Variants in BORCS8 observed in about 807,000 individuals in gnomAD.
BORCS8 encodes BLOC-1-related complex subunit 8.
Under a neutral mutation model 18.7 loss-of-function variants are expected in BORCS8, and 13 were observed. That is an observed-to-expected ratio of 0.70 (90% CI 0.45 to 1.11). BORCS8 has a LOEUF of 1.11. Ranked by LOEUF, BORCS8 falls within the 50% of genes least tolerant of loss-of-function variation. BORCS8 has a pLI of 0.00. For missense variants in BORCS8, 165 were observed against 165.7 expected (o/e 1.00, Z 0.02); for synonymous variants, 68 against 64.8 (o/e 1.05, Z -0.24).
chr19:19,186,574 C>T (rs1418625699), intron 2 of BORCS8, among the ~76,000 whole-genome samples: 3 of 152,204 alleles, frequency 2.0e-5, no homozygotes, highest in Non-Finnish European at 4.4e-5. Flanking sequence ...GGCACTCATA[C>T]TTCTCCTTCT....
intron 1 of BORCS8, among the ~76,000 whole-genome samples, chr19:19,190,586 C>T (rs749128977): frequency 2.6e-5 from 4 of 152,180 alleles, no homozygotes; most frequent in Non-Finnish European, 5.9e-5. Context: ...GTTGGGAGTT[C>T]GACACCAGCC....
At chr19:19,187,177 T>C in intron 1 of BORCS8, 172 bp from the exon 2 acceptor site, 1 of 580,948 alleles carries the variant, frequency 1.7e-6, no homozygotes, top group Non-Finnish European at 3.1e-6. Context: ...CAGGGCTCAC[T>C]CAAGAGGACA....
Position 19,177,119 on chromosome 19 carries a change from A to G in BORCS8, c.*384T>C, listed in dbSNP as rs10896. On this transcript the variant is annotated 3_prime_UTR_variant, in exon 6 of 6. Transcript: ENST00000462790. ...GCTCATTGGGTCACGTGTCCATCTC[A>G]AACCAATCACTAGGAACCTAGGACA... is the stretch of plus-strand genomic sequence containing the variant. 50,876 of 151,852 alleles carry G rather than the reference A, an allele frequency of 0.34. 8,957 individuals carry two copies. The highest frequency in any genetic ancestry group is 0.39 in the Non-Finnish European group (26,243 of 67,958). The allele number at this position is 151,852 out of a possible 1,614,324, so 9.4% of individuals were successfully genotyped here. A position where few individuals can be genotyped will look rare whatever the true frequency, so the allele number is the denominator to read the frequency against.
rs1474658957 is a variant in BORCS8, at chr19:19,186,903, G to A, written c.140C>T (p.Ala47Val). 4 of 1,548,086 alleles carry A rather than the reference G, an allele frequency of 2.6e-6. No individual in the cohort carries two copies. In the African/African-American group the frequency reaches 4.1e-5, roughly 16 times the overall value. Residue 47 changes from alanine (A) to valine (V), a missense_variant, in exon 2 of 6, where the codon GCC becomes GTC. Coordinates refer to ENST00000462790, the MANE Select transcript of BORCS8 (RefSeq NM_001145784.2). ...EHVRRSLPEL[A>V]QHKADMQRWE... ...CAGGCCCCAGCTCACCTTGTGCTGG[G>A]CCAGCTCGGGGAGGGAGCGACGCAC...
At chr19:19,190,399 G>A (rs937548258) in intron 1 of BORCS8, among the ~76,000 whole-genome samples, 2 of 152,346 alleles carry the variant, frequency 1.3e-5, no homozygotes, top group African/African-American at 4.8e-5. Context: ...GCTAACACAA[G>A]TCTCTCCATC....
At chr19:19,183,173 C>T (rs2146417034) in intron 3 of BORCS8, among the ~76,000 whole-genome samples, 1 of 152,282 alleles carries the variant, frequency 6.6e-6, no homozygotes, top group African/African-American at 2.4e-5. Flanking sequence ...CTCTGGGAGG[C>T]TGAGGCGGGT....
rs1053042382 is a variant in BORCS8 at position 19,182,111 on chromosome 19, C to G, written c.326+462G>C. The G allele has an allele frequency of 1.4e-4, 130 of 913,112 alleles. No homozygotes were observed. In the African/African-American group the frequency reaches 2.2e-3, roughly 16 times the overall value. 56.6% of individuals were successfully genotyped at this position (913,112 alleles called of 1,614,324 possible). On this transcript the variant is annotated intron_variant, in intron 4 of 5. Coordinates refer to ENST00000462790, the MANE Select transcript of BORCS8 (RefSeq NM_001145784.2). This position sits in a 1 kb window ranked among gnomAD's most constrained non-coding sequence, Gnocchi z 4.1. ...CCGGCTCCAGCCACAGAAGCCTTCT[C>G]GGTGCTTCTCGAACACTCCCAGGGA... is the stretch of plus-strand genomic sequence containing the variant.
chr19:19,181,915 CA>C, intron 4 of BORCS8: 1 of 985,384 alleles, frequency 1.0e-6, no homozygotes, highest in Non-Finnish European at 1.2e-6. Context: ...AGAATGCCAA[CA>C]AAAACAAAAA....
chr19:19,189,289 G>A (rs1245717939), intron 1 of BORCS8, among the ~76,000 whole-genome samples: 2 of 152,002 alleles, frequency 1.3e-5, no homozygotes, highest in African/African-American at 4.8e-5. Context: ...GCCCGCACCG[G>A]TCCAGGCACA....
At position 19,177,367 on chromosome 19, in the gene BORCS8, C is replaced by A. The variant is rs1306684437; in HGVS notation, c.*136G>T. On this transcript the variant is annotated 3_prime_UTR_variant, in exon 6 of 6. Transcript: ENST00000462790. Reference sequence around the variant, plus strand: ...AACCAAGGCTGGGTGCGGTGGCTCACACCTATAATCCCAGCACTTTGGGAG... The same window carrying A: ...AACCAAGGCTGGGTGCGGTGGCTCAAACCTATAATCCCAGCACTTTGGGAG... 6.6e-6 allele frequency: 1 copy of A among 152,244 alleles called. No individual in the cohort carries two copies. The highest frequency in any genetic ancestry group is 2.4e-5 in the African/African-American group (1 of 41,418). The allele number at this position is 152,244 out of a possible 1,614,324, so 9.4% of individuals were successfully genotyped here.
Position 19,182,305 on chromosome 19 carries a change from A to T in BORCS8, c.326+268T>A. 1 of 773,160 alleles carries T rather than the reference A, an allele frequency of 1.3e-6. No individual in the cohort carries two copies. The highest frequency in any genetic ancestry group is 1.8e-6 in the Non-Finnish European group (1 of 568,512). 47.9% of individuals were successfully genotyped at this position (773,160 alleles called of 1,614,324 possible). A position where few individuals can be genotyped will look rare whatever the true frequency, so the allele number is the denominator to read the frequency against. On this transcript the variant is annotated intron_variant, in intron 4 of 5. Coordinates refer to ENST00000462790, the MANE Select transcript of BORCS8 (RefSeq NM_001145784.2). This position sits in a 1 kb window ranked among gnomAD's most constrained non-coding sequence, Gnocchi z 4.1. ...TCTGCCATGTTTACCTGGTTGTCGT[A>T]TGTCTCCTTGTGAGCCTGTCTGTCT...
At chr19:19,188,272 G>A (rs768943142) in intron 1 of BORCS8, among the ~76,000 whole-genome samples, 2 of 151,252 alleles carry the variant, frequency 1.3e-5, no homozygotes, top group Non-Finnish European at 2.9e-5. Context: ...CTCGTGATCC[G>A]CCTGCCTCGG....
intron 1 of BORCS8, among the ~76,000 whole-genome samples, chr19:19,190,993 G>T (rs763326447): frequency 1.3e-5 from 2 of 152,166 alleles, no homozygotes; most frequent in Non-Finnish European, 2.9e-5. Flanking sequence ...TTGAATCCAT[G>T]TGAATGAAGT....
chr19:19,180,404 G>T, intron 5 of BORCS8: 1 of 502,192 alleles, frequency 2.0e-6, no homozygotes, highest in African/African-American at 2.0e-5. Context: ...CTGTCTTGGG[G>T]GGTGGAAATC....
rs2146415352 is a variant in BORCS8 at position 19,182,343 on chromosome 19, T to C, written c.326+230A>G. On this transcript the variant is annotated intron_variant, in intron 4 of 5. Transcript: ENST00000462790. This position sits in a 1 kb window ranked among gnomAD's most constrained non-coding sequence, Gnocchi z 4.1. Reference sequence around the variant, plus strand: ...AGCCTGTCTGTCTCGGTCACTGCTATGTCCCCAGTGCCCAGCCCAGGGCCA... The same window carrying C: ...AGCCTGTCTGTCTCGGTCACTGCTACGTCCCCAGTGCCCAGCCCAGGGCCA... 3 of 1,152,532 alleles carry C rather than the reference T, an allele frequency of 2.6e-6. No homozygotes were observed. Among genetic ancestry groups the C allele is most frequent in the East Asian group, 3.1e-5 (1 of 32,374 alleles). 71.4% of individuals were successfully genotyped at this position (1,152,532 alleles called of 1,614,324 possible). A position where few individuals can be genotyped will look rare whatever the true frequency, so the allele number is the denominator to read the frequency against.
intron 5 of BORCS8, 34 bp downstream of exon 5, chr19:19,180,652 G>T: frequency 7.1e-7 from 1 of 1,401,340 alleles, no homozygotes; most frequent in Non-Finnish European, 9.9e-7. Flanking sequence ...GTTCAGAGCA[G>T]AGAGAGAGGC....
intron 1 of BORCS8, among the ~76,000 whole-genome samples, chr19:19,191,379 C>A (rs572326468): frequency 6.6e-6 from 1 of 151,442 alleles, no homozygotes; most frequent in East Asian, 1.9e-4. Flanking sequence ...GTAGTCCCAG[C>A]TACTGGAGAA....
intron 1 of BORCS8, 81 bp from the exon 2 acceptor site, chr19:19,187,086 C>T (rs2060416867): frequency 9.0e-7 from 1 of 1,105,914 alleles, no homozygotes; most frequent in Admixed American, 2.2e-5. Context: ...TGAGCCCAGC[C>T]AGAGCAAAGG....
intron 1 of BORCS8, 70 bp downstream of exon 1, chr19:19,192,010 GC>G: frequency 6.5e-7 from 1 of 1,534,992 alleles, no homozygotes. Flanking sequence ...GTCCCTCCGC[GC>G]CCGGCCTTTG....
Sources: allele counts gnomAD v4.1 joint callset (sites outside exome capture counted in the v4.1 genomes callset), GRCh38; gene constraint gnomAD v4.1.1; non-coding constraint Gnocchi (gnomAD v3.1); transcripts MANE v1.5; gene names NCBI Gene and HGNC (gene_info 2026-07-23, HGNC 2026-07-21).